Variants in NRXN1 observed in about 807,000 individuals in gnomAD.
NRXN1 encodes neurexin 1, also known as neurexin-1.
Under a neutral mutation model 150.9 loss-of-function variants are expected in NRXN1, and 39 were observed. That is an observed-to-expected ratio of 0.26 (90% CI 0.20 to 0.34). The LOEUF is 0.34. Ranked by LOEUF, NRXN1 falls within the 10% of genes least tolerant of loss-of-function variation. The pLI is 1.00. For missense variants in NRXN1, 1,815 were observed against 1,949.9 expected, an observed-to-expected ratio of 0.93 and a Z score of 1.30; for synonymous variants, 924 against 757.0, an observed-to-expected ratio of 1.22 and a Z score of -3.62.
chr2:50,294,123 T>C (rs939005756), intron 17 of NRXN1, among the ~76,000 whole-genome samples: 3 of 152,162 alleles, frequency 2.0e-5, no homozygotes, highest in Non-Finnish European at 2.9e-5. Context: ...TTGGTAAACT[T>C]TTCCAAATAG....
intron 17 of NRXN1, among the ~76,000 whole-genome samples, chr2:50,239,304 T>A (rs1400887504): frequency 6.6e-6 from 1 of 151,676 alleles, no homozygotes; most frequent in Non-Finnish European, 1.5e-5. Flanking sequence ...TTTTCCTTTT[T>A]TAAATTGGCT....
chr2:50,923,606 A>C (rs1357874135), intron 3 of NRXN1: 1 of 161,288 alleles, frequency 6.2e-6, no homozygotes, highest in East Asian at 1.8e-4. Context: ...CTTTTTACTG[A>C]AAGGCATAAT....
chr2:50,447,025 T>G (rs1408601786), intron 17 of NRXN1, among the ~76,000 whole-genome samples: 2 of 152,162 alleles, frequency 1.3e-5, no homozygotes, highest in Non-Finnish European at 2.9e-5. Context: ...ACCATATTGC[T>G]ACATTTTAGA....
At chr2:50,338,780 G>A (rs1213007262) in intron 17 of NRXN1, among the ~76,000 whole-genome samples, 1 of 151,864 alleles carries the variant, frequency 6.6e-6, no homozygotes, top group African/African-American at 2.4e-5. Context: ...TACTGTGAGA[G>A]TACTGTGTCA....
chr2:50,788,213 A>T (rs1281905445), intron 5 of NRXN1, among the ~76,000 whole-genome samples: 2 of 151,190 alleles, frequency 1.3e-5, no homozygotes, highest in Non-Finnish European at 2.9e-5. Flanking sequence ...CTGCCTCCTG[A>T]GCAGCTGGGA....
intron 18 of NRXN1, among the ~76,000 whole-genome samples, chr2:50,159,815 G>C (rs1442354292): frequency 6.6e-6 from 1 of 152,006 alleles, no homozygotes; most frequent in African/African-American, 2.4e-5. Flanking sequence ...AGTTAACTTG[G>C]GACAAGTTAT....
At chr2:50,060,086 T>C (rs1047504132) in intron 19 of NRXN1, among the ~76,000 whole-genome samples, 1 of 152,058 alleles carries the variant, frequency 6.6e-6, no homozygotes, top group African/African-American at 2.4e-5. Context: ...GCTTCCACCA[T>C]GCACCTGGAA....
intron 18 of NRXN1, among the ~76,000 whole-genome samples, chr2:50,118,731 G>A (rs1325085180): frequency 6.6e-6 from 1 of 152,112 alleles, no homozygotes. Context: ...GCGTTCCTAT[G>A]GACTTAGTGG....
intron 9 of NRXN1, chr2:50,551,274 C>G (rs1368024382): frequency 6.6e-6 from 1 of 152,108 alleles, no homozygotes; most frequent in Non-Finnish European, 1.5e-5. Context: ...TTCTGACCTT[C>G]CTTCTCTCCA....
At chr2:50,057,078 C>T (rs1425224980) in intron 19 of NRXN1, among the ~76,000 whole-genome samples, 1 of 152,170 alleles carries the variant, frequency 6.6e-6, no homozygotes, top group Non-Finnish European at 1.5e-5. Flanking sequence ...CACCCATTTT[C>T]CATATAAGCC....
intron 8 of NRXN1, among the ~76,000 whole-genome samples, chr2:50,617,805 G>C (rs192840487): frequency 2.0e-5 from 3 of 152,134 alleles, no homozygotes; most frequent in Non-Finnish European, 4.4e-5. Flanking sequence ...CTAAGGTAAG[G>C]AATCTTTATT....
At chr2:50,458,386 A>T (rs934338179) in intron 17 of NRXN1, among the ~76,000 whole-genome samples, 5 of 152,146 alleles carry the variant, frequency 3.3e-5, no homozygotes, top group Admixed American at 1.3e-4. Flanking sequence ...CAATATGGCA[A>T]ATACAGTTAA....
intron 17 of NRXN1, among the ~76,000 whole-genome samples, chr2:50,376,089 G>A (rs1188094991): frequency 6.6e-6 from 1 of 151,210 alleles, no homozygotes; most frequent in Non-Finnish European, 1.5e-5. Context: ...TATTGCTGAA[G>A]GGGAGAGTAA....
At chr2:50,045,075 G>T (rs1691601610) in intron 21 of NRXN1, among the ~76,000 whole-genome samples, 2 of 152,116 alleles carry the variant, frequency 1.3e-5, no homozygotes, top group Admixed American at 6.5e-5. Flanking sequence ...TAAAGGCAGA[G>T]AAATTACCTG....
intron 5 of NRXN1, among the ~76,000 whole-genome samples, chr2:50,742,186 T>A (rs1463037739): frequency 1.3e-5 from 2 of 152,114 alleles, no homozygotes; most frequent in Non-Finnish European, 2.9e-5. Context: ...CTTAAACCTT[T>A]GACTAAATGT....
At chr2:50,942,013 T>G (rs527621407) in intron 2 of NRXN1, among the ~76,000 whole-genome samples, 1 of 152,318 alleles carries the variant, frequency 6.6e-6, no homozygotes, top group East Asian at 1.9e-4. Flanking sequence ...ATGGCCCAGC[T>G]GCTCTGTTAT....
At chr2:50,845,770 C>T (rs553855175) in intron 5 of NRXN1, among the ~76,000 whole-genome samples, 48 of 152,272 alleles carry the variant, frequency 3.2e-4, no homozygotes, top group African/African-American at 1.1e-3. Flanking sequence ...TGCTTACCTC[C>T]CTCCCCACCA....
Position 50,778,753 on chromosome 2 carries a change from G to C in NRXN1, c.832+143116C>G, listed in dbSNP as rs1703979705. ...ACAGTTTCCCTGTCTACCCAAATGT[G>C]CATATGTTTGTGCAAGCTGCTGATG... On this transcript the variant is annotated intron_variant, in intron 5 of 22. Transcript: ENST00000401669. Among the ~76,000 whole-genome samples the C allele has an allele frequency of 2.6e-5, 4 of 152,140 alleles. No individual in the cohort carries two copies. The South Asian group carries it at 8.3e-4, about 31-fold the overall frequency.
intron 17 of NRXN1, among the ~76,000 whole-genome samples, chr2:50,293,749 A>G (rs1338119868): frequency 6.6e-6 from 1 of 152,148 alleles, no homozygotes; most frequent in African/African-American, 2.4e-5. Flanking sequence ...TGAGCCACAG[A>G]ATGATGCCTT....
Sources: allele counts gnomAD v4.1 joint callset (sites outside exome capture counted in the v4.1 genomes callset), GRCh38; gene constraint gnomAD v4.1.1; transcripts MANE v1.5; gene names NCBI Gene and HGNC (gene_info 2026-07-23, HGNC 2026-07-21).